Variants in UBL3 observed in about 807,000 individuals in gnomAD.
UBL3 encodes the protein ubiquitin like 3.
Under a neutral mutation model 18.4 loss-of-function variants are expected in UBL3, and 6 were observed. That is an observed-to-expected ratio of 0.33 (90% CI 0.18 to 0.64). The LOEUF (loss-of-function observed/expected upper bound fraction) is 0.64. UBL3 is among the 30% of genes least tolerant of loss of function. The probability of loss-of-function intolerance (pLI) is 0.76; values close to 1 mark genes in which losing one functional copy is unlikely to be tolerated. For synonymous variants in UBL3, 49 were observed against 46.6 expected (o/e 1.05, Z -0.21); for missense variants, 109 against 142.9 (o/e 0.76, Z 1.21).
chr13:29,784,592 T>A (rs1244255696), intron 1 of UBL3, among the ~76,000 whole-genome samples: 1 of 151,966 alleles, frequency 6.6e-6, no homozygotes, highest in Non-Finnish European at 1.5e-5. Context: ...ACTCCCGACT[T>A]ATATCAAGGG....
At chr13:29,803,505 G>A (rs1479061411) in intron 1 of UBL3, among the ~76,000 whole-genome samples, 1 of 151,962 alleles carries the variant, frequency 6.6e-6, no homozygotes, top group Non-Finnish European at 1.5e-5. Flanking sequence ...GGATAAAGAA[G>A]CAAGATCCAT....
intron 1 of UBL3, among the ~76,000 whole-genome samples, chr13:29,835,095 T>A (rs1466046420): frequency 7.2e-3 from 145 of 20,214 alleles, no homozygotes; most frequent in East Asian, 0.019. Context: ...TATAAATATA[T>A]ATATATATAT....
chr13:29,767,746 A>G (rs748176300), intron 3 of UBL3, 51 bp from the exon 4 acceptor site: 1 of 1,502,636 alleles, frequency 6.7e-7, no homozygotes, highest in South Asian at 1.2e-5. Context: ...ACCTATTAAA[A>G]TCACTATCCA....
chr13:29,788,838 A>AGTGTGTGTGT (rs58898742), intron 1 of UBL3, among the ~76,000 whole-genome samples: 73 of 138,224 alleles, frequency 5.3e-4, no homozygotes, highest in African/African-American at 1.9e-3. Context: ...TTAATGGGGA[A>AGTGTGTGTGT]GTGTGTGTGT....
intron 1 of UBL3, among the ~76,000 whole-genome samples, chr13:29,839,931 GAAA>G (rs35669312): frequency 8.3e-5 from 10 of 120,498 alleles, no homozygotes; most frequent in African/African-American, 2.5e-4. Context: ...CGTCTCGGGG[GAAA>G]AAAAAAAAAA....
In UBL3 at chr13:29,772,099, A is replaced by G; in HGVS notation, c.223+13T>C. The G allele has an allele frequency of 1.2e-6, 2 of 1,604,332 alleles. No homozygotes were observed. Among genetic ancestry groups the G allele is most frequent in the Non-Finnish European group, 1.7e-6 (2 of 1,172,628 alleles). On this transcript the variant is annotated intron_variant, in intron 3 of 4. Transcript: ENST00000380680. ...AGACAGACATTAAATCCCATTACAA[A>G]GGTGGCTGTTACCTCCTAATGTGAC...
chr13:29,777,216 C>T lies in UBL3; in HGVS notation c.75G>A (p.Leu25=). 1.9e-6 allele frequency: 3 copies of T among 1,610,218 alleles called. No individual in the cohort carries two copies. In the South Asian group the frequency reaches 3.3e-5, roughly 18 times the overall value. Reference sequence around the variant, plus strand: ...CAGAAGCAGAATCGTTAGGAGAAAACAGGAACTCTTTTGTTTTTCCGCTTA... The same window carrying T: ...CAGAAGCAGAATCGTTAGGAGAAAATAGGAACTCTTTTGTTTTTCCGCTTA... ...ILVSGKTKEF[L]FSPNDSASDI... Residue 25 remains leucine (L), a synonymous_variant, in exon 2 of 5, where the codon CTG becomes CTA. Coordinates refer to ENST00000380680, the MANE Select transcript of UBL3 (RefSeq NM_007106.4).
rs1206909092 is a variant in UBL3, at chr13:29,812,341, T to C, written c.28-35078A>G. On this transcript the variant is annotated intron_variant, in intron 1 of 4. Coordinates refer to ENST00000380680, the MANE Select transcript of UBL3 (RefSeq NM_007106.4). ...GCCTACCTGCAAGAACCACTACTCA[T>C]GGTTATATCACTTTAAGTATATGCA... Among the ~76,000 whole-genome samples, 9 of 152,164 alleles carry C rather than the reference T, an allele frequency of 5.9e-5. No homozygotes were observed. In the East Asian group the frequency reaches 1.5e-3, roughly 26 times the overall value.
chr13:29,810,639 A>G (rs942650672), intron 1 of UBL3, among the ~76,000 whole-genome samples: 2 of 152,130 alleles, frequency 1.3e-5, no homozygotes, highest in Non-Finnish European at 2.9e-5. Flanking sequence ...TAAATATTTA[A>G]TAACTAGTTA....
chr13:29,782,985 A>G (rs1343801659), intron 1 of UBL3, among the ~76,000 whole-genome samples: 2 of 152,218 alleles, frequency 1.3e-5, no homozygotes, highest in Admixed American at 6.5e-5. Context: ...CTGTTGACTA[A>G]TATTTCTGTT....
chr13:29,772,025 G>T, intron 3 of UBL3, 87 bp downstream of exon 3: 1 of 1,139,340 alleles, frequency 8.8e-7, no homozygotes, highest in Non-Finnish European at 1.3e-6. Flanking sequence ...ATTTTTTTTA[G>T]CAAATTCAAA....
intron 3 of UBL3, among the ~76,000 whole-genome samples, chr13:29,770,676 A>C (rs1490667290): frequency 2.0e-5 from 3 of 152,056 alleles, no homozygotes; most frequent in Non-Finnish European, 4.4e-5. Context: ...TTTAATTCAC[A>C]TAAGATCTTG....
intron 1 of UBL3, among the ~76,000 whole-genome samples, chr13:29,794,240 T>A (rs1877552191): frequency 6.6e-6 from 1 of 152,198 alleles, no homozygotes; most frequent in Non-Finnish European, 1.5e-5. Context: ...TCTTAAAAGT[T>A]TTAGAAAGCA....
chr13:29,781,192 T>G (rs1183790778), intron 1 of UBL3, among the ~76,000 whole-genome samples: 1 of 151,972 alleles, frequency 6.6e-6, no homozygotes, highest in Non-Finnish European at 1.5e-5. Flanking sequence ...AATAAATAAA[T>G]AAATAGTGCT....
chr13:29,790,892 C>T (rs1877464612), intron 1 of UBL3, among the ~76,000 whole-genome samples: 1 of 152,144 alleles, frequency 6.6e-6, no homozygotes, highest in African/African-American at 2.4e-5. Context: ...AGTCTCTCTC[C>T]CAGTCCCTGC....
chr13:29,797,235 G>C (rs546278468), intron 1 of UBL3, among the ~76,000 whole-genome samples: 1 of 152,018 alleles, frequency 6.6e-6, no homozygotes, highest in Non-Finnish European at 1.5e-5. Flanking sequence ...GGTCAGAAAA[G>C]GAAAAAGAGA....
chr13:29,782,009 A>C (rs1387014753), intron 1 of UBL3, among the ~76,000 whole-genome samples: 1 of 151,914 alleles, frequency 6.6e-6, no homozygotes, highest in Non-Finnish European at 1.5e-5. Context: ...TCTCTAAAAA[A>C]AAAAATAAAA....
chr13:29,785,018 G>C (rs917610882), intron 1 of UBL3, among the ~76,000 whole-genome samples: 9 of 152,164 alleles, frequency 5.9e-5, no homozygotes, highest in African/African-American at 2.2e-4. Context: ...CAATTCTTCT[G>C]CCTCAGCTTC....
intron 1 of UBL3, among the ~76,000 whole-genome samples, chr13:29,813,301 T>A (rs1878161916): frequency 6.6e-6 from 1 of 152,072 alleles, no homozygotes; most frequent in African/African-American, 2.4e-5. Context: ...GCTAGCCCAA[T>A]CATAGTATTC....
Sources: gnomAD v4.1 joint callset for allele counts (sites outside exome capture counted in the v4.1 genomes callset) on GRCh38, gnomAD v4.1.1 for gene constraint, MANE v1.5 for transcripts, NCBI Gene and HGNC (gene_info 2026-07-23, HGNC 2026-07-21) for gene names.